The following C1orf116 variants were observed in gnomAD, a reference collection of about 807,000 sequenced individuals.
C1orf116 encodes the protein chromosome 1 open reading frame 116.
A neutral mutation model predicts 14.1 loss-of-function variants in C1orf116; 12 were observed. That is an observed-to-expected ratio of 0.85 (90% CI 0.54 to 1.38). The LOEUF (loss-of-function observed/expected upper bound fraction) is 1.38, where lower values mean the gene tolerates loss of function less well. Ranked by LOEUF, C1orf116 falls within the 40% of genes most tolerant of loss-of-function variation. C1orf116 has a pLI of 0.00. For synonymous variants in C1orf116, 296 were observed against 299.0 expected (o/e 0.99, Z 0.10); for missense variants, 797 against 747.0 (o/e 1.07, Z -0.78).
rs1681732850 is a variant in C1orf116 at position 207,018,706 on chromosome 1, GGCT to G, written c.*3249_*3251del. 6.6e-6 allele frequency: 1 copy of G among 152,186 alleles called. No individual in the cohort carries two copies. The highest frequency in any genetic ancestry group is 1.9e-4 in the East Asian group (1 of 5,202). 9.4% of individuals were successfully genotyped at this position (152,186 alleles called of 1,614,324 possible). Reference sequence around the variant, plus strand: ...GGGTTCCTGACTGGTAAGTGATGGAGGCTGAATTTGAGCCAGATCTATATGCTC... The same window carrying G: ...GGGTTCCTGACTGGTAAGTGATGGAGGAATTTGAGCCAGATCTATATGCTC... On this transcript the variant is annotated 3_prime_UTR_variant, in exon 4 of 4. Transcript: ENST00000359470.
chr1:207,030,668 A>G (rs1349815709), intron 1 of C1orf116, among the ~76,000 whole-genome samples: 2 of 152,150 alleles, frequency 1.3e-5, no homozygotes, highest in Non-Finnish European at 1.5e-5. Context: ...ATTTCCTTTC[A>G]CCGACTTCAC....
In C1orf116 at chr1:207,032,708, T is replaced by C; in HGVS notation, c.-211A>G. 1 of 985,380 alleles carries C rather than the reference T, an allele frequency of 1.0e-6. No individual in the cohort carries two copies. The highest frequency in any genetic ancestry group is 1.2e-6 in the Non-Finnish European group (1 of 829,962). 61.0% of individuals were successfully genotyped at this position (985,380 alleles called of 1,614,324 possible). On this transcript the variant is annotated 5_prime_UTR_variant, in exon 1 of 4. It removes the in-frame stop codon of an upstream open reading frame in the 5' UTR. Coordinates refer to ENST00000359470, the MANE Select transcript of C1orf116 (RefSeq NM_023938.6). Reference sequence around the variant, plus strand: ...CCTTTTGAGCTCCTCCTGACTTACCTAGATAGGTAAATGCTTCATCTGTGC... The same window carrying C: ...CCTTTTGAGCTCCTCCTGACTTACCCAGATAGGTAAATGCTTCATCTGTGC...
At position 207,023,360 on chromosome 1, in the gene C1orf116, G is replaced by A. The variant is rs759050322; in HGVS notation, c.404C>T (p.Pro135Leu). The stretch of plus-strand genomic sequence containing the variant: ...GCTTCTGGCAATGTGGATATTCCTA[G>A]GGAGGCTGTAGGAGCCAGACCTGAG... ...LGLRSGSYSL[P>L]RNIHIARSQN... The change falls in exon 4 of 4, where the codon CCT becomes CTT. Residue 135 changes from proline (P) to leucine (L), a missense_variant. Coordinates refer to ENST00000359470, the MANE Select transcript of C1orf116 (RefSeq NM_023938.6). The A allele has an allele frequency of 1.3e-5, 21 of 1,614,104 alleles. No homozygotes were observed. Among genetic ancestry groups the A allele is most frequent in the Non-Finnish European group, 1.7e-5 (20 of 1,179,986 alleles).
intron 2 of C1orf116, among the ~76,000 whole-genome samples, 164 bp from the exon 3 acceptor site, chr1:207,025,228 C>A (rs539714344): frequency 2.0e-4 from 30 of 152,312 alleles, no homozygotes; most frequent in Admixed American, 9.8e-4. Context: ...AGCTGGAAAC[C>A]TTTCCCTCCT....
chr1:207,022,924 G>A lies in C1orf116; in HGVS notation c.840C>T (p.Leu280=), dbSNP rs753944683. The change falls in exon 4 of 4, where the codon CTC becomes CTT. Residue 280 remains leucine, a synonymous_variant. Coordinates refer to ENST00000359470, the MANE Select transcript of C1orf116 (RefSeq NM_023938.6). ...GGCTGTTTGGGTCCTCCCCTGATGA[G>A]AGGGGAGCATCTTCAGCTCTTGCAT... ...PQNARAEDAP[L]SSGEDPNSRL... 1 of 1,614,144 alleles carries A rather than the reference G, an allele frequency of 6.2e-7. No individual in the cohort carries two copies. Among genetic ancestry groups the A allele is most frequent in the South Asian group, 1.1e-5 (1 of 91,076 alleles).
In C1orf116 at chr1:207,023,066, G is replaced by A; in HGVS notation, c.698C>T (p.Pro233Leu). ...CTGCTCTCTTTCCTGGGAGCTGGATGGTGTGTGGAGCTGGGGTGTGTGGCC... is the reference window on the plus strand; with the variant it reads ...CTGCTCTCTTTCCTGGGAGCTGGATAGTGTGTGGAGCTGGGGTGTGTGGCC... ...QQGHTPQLHT[P>L]SSSQEREQTP... The change falls in exon 4 of 4, where the codon CCA becomes CTA. Residue 233 changes from proline to leucine, a missense_variant. Transcript: ENST00000359470. The A allele has an allele frequency of 1.9e-6, 3 of 1,612,846 alleles. No individual in the cohort carries two copies. Among genetic ancestry groups the A allele is most frequent in the Non-Finnish European group, 2.5e-6 (3 of 1,180,018 alleles).
Position 207,027,849 on chromosome 1 carries a change from C to T in C1orf116, c.-81-170G>A, listed in dbSNP as rs540366373. 9.8e-5 allele frequency among the ~76,000 whole-genome samples: 15 copies of T among 152,320 alleles called. No individual in the cohort carries two copies. The South Asian group carries it at 3.1e-3, about 32-fold the overall frequency. ...CTGCATGGAAGGACCCTGAAGCTGG[C>T]TTAAATACATGCAGAAGGACAGACT... On this transcript the variant is annotated intron_variant, in intron 1 of 3. Coordinates refer to ENST00000359470, the MANE Select transcript of C1orf116 (RefSeq NM_023938.6).
rs1246343026 is a variant in C1orf116, at chr1:207,025,721, T to TGGGA, written c.106-658_106-657insTCCC. Among the ~76,000 whole-genome samples, 4 of 152,228 alleles carry TGGGA rather than the reference T, an allele frequency of 2.6e-5. No individual in the cohort carries two copies. The East Asian group carries it at 7.7e-4, about 29-fold the overall frequency. On this transcript the variant is annotated intron_variant, in intron 2 of 3. Coordinates refer to ENST00000359470, the MANE Select transcript of C1orf116 (RefSeq NM_023938.6). ...TTCCATACGGGAATTTTTCCCCTTG[T>TGGGA]ACATTTACTTTCTTGATGACATTTG... is the stretch of plus-strand genomic sequence containing the variant.
chr1:207,024,026 T>A (rs1188928876), intron 3 of C1orf116, among the ~76,000 whole-genome samples: 1 of 152,168 alleles, frequency 6.6e-6, no homozygotes, highest in Non-Finnish European at 1.5e-5. Context: ...AATAAGTGAT[T>A]TGCTCTTGAT....
rs571465240 is a variant in C1orf116 at position 207,021,886 on chromosome 1, G to A, written c.*72C>T. 1.5e-5 allele frequency: 21 copies of A among 1,440,912 alleles called. No individual in the cohort carries two copies. Among genetic ancestry groups the A allele is most frequent in the Middle Eastern group, 4.0e-4 (2 of 4,952 alleles). The allele number at this position is 1,440,912 out of a possible 1,614,324, so 89.3% of individuals were successfully genotyped here. On this transcript the variant is annotated 3_prime_UTR_variant, in exon 4 of 4. Transcript: ENST00000359470. ...CATCTTGAGCCCTGAGTTGCGTGGT[G>A]GCAAAGGCTCCCAAGTGGAGCATGT...
At chr1:207,028,004 G>A (rs1682136361) in intron 1 of C1orf116, among the ~76,000 whole-genome samples, 2 of 152,164 alleles carry the variant, frequency 1.3e-5, no homozygotes, top group African/African-American at 4.8e-5. Context: ...TCAATACCTT[G>A]GGTTCTGGAG....
At chr1:207,027,810 C>T in intron 1 of C1orf116, 131 bp from the exon 2 acceptor site, 1 of 1,025,398 alleles carries the variant, frequency 9.8e-7, no homozygotes. Context: ...CAGCCACTGC[C>T]CGACACCCCC....
intron 1 of C1orf116, among the ~76,000 whole-genome samples, chr1:207,030,371 G>A (rs1449748913): frequency 6.6e-6 from 1 of 151,962 alleles, no homozygotes; most frequent in African/African-American, 2.4e-5. Flanking sequence ...AGCCACCCCT[G>A]ACTAAAATAC....
chr1:207,025,956 G>A (rs1682061949), intron 2 of C1orf116, among the ~76,000 whole-genome samples: 1 of 152,178 alleles, frequency 6.6e-6, no homozygotes, highest in East Asian at 1.9e-4. Context: ...GACAGTTACT[G>A]TCTATGTTGT....
chr1:207,025,908 A>G (rs1682061369), intron 2 of C1orf116, among the ~76,000 whole-genome samples: 1 of 152,216 alleles, frequency 6.6e-6, no homozygotes, highest in Non-Finnish European at 1.5e-5. Flanking sequence ...GAGAGAGTAC[A>G]TAGAGGTTTT....
chr1:207,023,800 A>AC (rs1372901328), intron 3 of C1orf116, among the ~76,000 whole-genome samples: 1 of 151,932 alleles, frequency 6.6e-6, no homozygotes, highest in Admixed American at 6.6e-5. Flanking sequence ...AACATAAGAG[A>AC]CCCCCATTTC....
At chr1:207,028,367 G>A (rs1439336899) in intron 1 of C1orf116, among the ~76,000 whole-genome samples, 5 of 152,292 alleles carry the variant, frequency 3.3e-5, no homozygotes, top group Admixed American at 6.5e-5. Flanking sequence ...TTGTGAGAAC[G>A]TTTAAAACAC....
At chr1:207,025,188 C>A (rs1682041794) in intron 2 of C1orf116, 124 bp from the exon 3 acceptor site, 2 of 710,714 alleles carry the variant, frequency 2.8e-6, no homozygotes, top group African/African-American at 3.5e-5. Context: ...GGCCTGAGAA[C>A]CACCCTGCAG....
intron 2 of C1orf116, 44 bp downstream of exon 2, chr1:207,027,450 G>T: frequency 6.2e-7 from 1 of 1,607,502 alleles, no homozygotes. Context: ...CAGGGCAGGT[G>T]TGCAGAGAGC....
Sources: gnomAD v4.1 joint callset for allele counts (sites outside exome capture counted in the v4.1 genomes callset) on GRCh38, gnomAD v4.1.1 for gene constraint, MANE v1.5 for transcripts, NCBI Gene and HGNC (gene_info 2026-07-23, HGNC 2026-07-21) for gene names.